KCNJ3: variants seen among roughly 807,000 people sequenced by gnomAD.
KCNJ3 encodes G protein-activated inward rectifier potassium channel 1.
Under a neutral mutation model 39.2 loss-of-function variants are expected in KCNJ3, and 4 were observed. The observed-to-expected ratio is 0.10, with a 90% CI of 0.05 to 0.23. The LOEUF (loss-of-function observed/expected upper bound fraction) is 0.23. Ranked by LOEUF, KCNJ3 falls within the 10% of genes least tolerant of loss-of-function variation. KCNJ3 has a pLI of 1.00. For missense variants in KCNJ3, 276 were observed against 634.9 expected (o/e 0.43, Z 6.08); for synonymous variants, 230 against 237.4 (o/e 0.97, Z 0.29).
At chr2:154,789,322 A>G (rs1284492155) in intron 2 of KCNJ3, among the ~76,000 whole-genome samples, 1 of 152,034 alleles carries the variant, frequency 6.6e-6, no homozygotes, top group Non-Finnish European at 1.5e-5. Flanking sequence ...TGGGGCTTTT[A>G]TATGAGGAAA....
intron 2 of KCNJ3, among the ~76,000 whole-genome samples, chr2:154,828,666 A>C (rs954589021): frequency 4.6e-5 from 7 of 152,180 alleles, no homozygotes; most frequent in Non-Finnish European, 1.0e-4. Context: ...GCATCTCCTC[A>C]GTTCCCAAAC....
chr2:154,758,116 A>T (rs180831726), intron 2 of KCNJ3, among the ~76,000 whole-genome samples: 2 of 152,312 alleles, frequency 1.3e-5, no homozygotes, highest in East Asian at 3.9e-4. Flanking sequence ...TTAACAATAG[A>T]GAACGTCTTG....
chr2:154,823,932 A>G lies in KCNJ3; in HGVS notation c.920-30795A>G, dbSNP rs1262932147. On this transcript the variant is annotated intron_variant, in intron 2 of 2. Transcript: ENST00000295101. Reference sequence around the variant, plus strand: ...ATATAATTGTTGAATAAATAAATTAATGAATGAAGAGCTACAACTTCCTTG... The same window carrying G: ...ATATAATTGTTGAATAAATAAATTAGTGAATGAAGAGCTACAACTTCCTTG... Among the ~76,000 whole-genome samples, 4 of 152,324 alleles carry G rather than the reference A, an allele frequency of 2.6e-5. No homozygotes were observed. The East Asian group carries it at 7.7e-4, about 29-fold the overall frequency.
At chr2:154,777,295 A>T (rs536836876) in intron 2 of KCNJ3, among the ~76,000 whole-genome samples, 49 of 152,260 alleles carry the variant, frequency 3.2e-4, no homozygotes, top group African/African-American at 1.2e-3. Context: ...ATATATGTGT[A>T]TGTGGTGGTT....
At chr2:154,729,407 T>C (rs2105166064) in intron 2 of KCNJ3, among the ~76,000 whole-genome samples, 2 of 152,304 alleles carry the variant, frequency 1.3e-5, no homozygotes, top group South Asian at 2.1e-4. Context: ...TTTAACTGAT[T>C]GAGCCACAGT....
intron 2 of KCNJ3, among the ~76,000 whole-genome samples, chr2:154,798,988 G>A (rs1458097457): frequency 6.6e-6 from 1 of 151,778 alleles, no homozygotes; most frequent in Non-Finnish European, 1.5e-5. Context: ...TGTGTGGTGT[G>A]TCAGGTGTGT....
intron 2 of KCNJ3, among the ~76,000 whole-genome samples, chr2:154,753,721 G>A (rs919958533): frequency 6.7e-6 from 1 of 148,532 alleles, no homozygotes; most frequent in Admixed American, 6.8e-5. Flanking sequence ...GCTGACTGTG[G>A]CATTTATAAG....
At chr2:154,765,991 G>A (rs1011600267) in intron 2 of KCNJ3, among the ~76,000 whole-genome samples, 1 of 152,210 alleles carries the variant, frequency 6.6e-6, no homozygotes, top group South Asian at 2.1e-4. Context: ...TTGCACACAC[G>A]CCATTAGTAA....
chr2:154,814,494 T>C (rs1687051474), intron 2 of KCNJ3, among the ~76,000 whole-genome samples: 1 of 151,782 alleles, frequency 6.6e-6, no homozygotes, highest in Admixed American at 6.6e-5. Context: ...AAAATTACCC[T>C]GGTGTGGTGG....
At chr2:154,832,746 G>A (rs142091220) in intron 2 of KCNJ3, among the ~76,000 whole-genome samples, 107 of 152,298 alleles carry the variant, frequency 7.0e-4, no homozygotes, top group African/African-American at 2.5e-3. Context: ...TGTGAAGAAT[G>A]ATTAAATAAT....
At chr2:154,721,655 T>C (rs1685265405) in intron 2 of KCNJ3, among the ~76,000 whole-genome samples, 2 of 151,818 alleles carry the variant, frequency 1.3e-5, no homozygotes, top group South Asian at 4.2e-4. Flanking sequence ...AGGATAAGAG[T>C]TGGAAAAAAA....
intron 2 of KCNJ3, among the ~76,000 whole-genome samples, chr2:154,843,855 A>T (rs1463484373): frequency 6.6e-6 from 1 of 151,940 alleles, no homozygotes; most frequent in African/African-American, 2.4e-5. Flanking sequence ...TTCTTTTTTC[A>T]AGGTTTTTAC....
In KCNJ3 at chr2:154,699,693, G is replaced by A; in HGVS notation, c.702+216G>A. 4.0e-6 allele frequency: 1 copy of A among 249,658 alleles called. No homozygotes were observed. Among genetic ancestry groups the A allele is most frequent in the Non-Finnish European group, 6.4e-6 (1 of 157,342 alleles). 15.5% of individuals were successfully genotyped at this position (249,658 alleles called of 1,614,324 possible). A position where few individuals can be genotyped will look rare whatever the true frequency, so the allele number is the denominator to read the frequency against. On this transcript the variant is annotated intron_variant, in intron 1 of 2. Transcript: ENST00000295101. This position sits in a 1 kb window ranked among gnomAD's most constrained non-coding sequence, Gnocchi z 6.4. Reference sequence around the variant, plus strand: ...CACTCTCGTGCTCTTGTTTATATTCGTCATTTCGGATCTGCTTGTATCACT... The same window carrying A: ...CACTCTCGTGCTCTTGTTTATATTCATCATTTCGGATCTGCTTGTATCACT...
At chr2:154,812,698 G>A (rs192374005) in intron 2 of KCNJ3, among the ~76,000 whole-genome samples, 1 of 151,978 alleles carries the variant, frequency 6.6e-6, no homozygotes, top group African/African-American at 2.4e-5. Context: ...ATTCATACAG[G>A]TGCAGTATAA....
At chr2:154,712,423 A>C (rs1685114162) in intron 2 of KCNJ3, among the ~76,000 whole-genome samples, 1 of 152,196 alleles carries the variant, frequency 6.6e-6, no homozygotes, top group South Asian at 2.1e-4. Context: ...CTATCTTGTG[A>C]ATAAACTTTT....
In KCNJ3 at chr2:154,814,022, T is replaced by G. The variant is rs181528850; in HGVS notation, c.920-40705T>G. On this transcript the variant is annotated intron_variant, in intron 2 of 2. Transcript: ENST00000295101. ...GGTCCACATATTTGCCACTGACTGGTCAATTGCTACACTTCTCCAACAATG... is the reference window on the plus strand; with the variant it reads ...GGTCCACATATTTGCCACTGACTGGGCAATTGCTACACTTCTCCAACAATG... Among the ~76,000 whole-genome samples the G allele has an allele frequency of 3.5e-3, 534 of 152,344 alleles. 2 individuals carry two copies. Among genetic ancestry groups the G allele is most frequent in the Middle Eastern group, 6.8e-3 (2 of 294 alleles).
At chr2:154,785,391 A>C (rs756341798) in intron 2 of KCNJ3, among the ~76,000 whole-genome samples, 3 of 152,114 alleles carry the variant, frequency 2.0e-5, no homozygotes, top group African/African-American at 7.2e-5. Flanking sequence ...CTCTGTGCAC[A>C]TGTGCTATGG....
intron 2 of KCNJ3, among the ~76,000 whole-genome samples, chr2:154,758,396 G>A (rs532700216): frequency 6.6e-6 from 1 of 152,220 alleles, no homozygotes; most frequent in South Asian, 2.1e-4. Context: ...AAATATGTGG[G>A]TGCTGAAGTT....
chr2:154,699,155 T>G lies in KCNJ3; in HGVS notation c.380T>G (p.Val127Gly), dbSNP rs577033534. ...VGNYTPCVAN[V>G]YNFPSAFLFF... ...AACTACACGCCTTGCGTGGCCAATG[T>G]CTATAACTTCCCTTCTGCCTTCCTC... Residue 127 changes from valine (V) to glycine (G), a missense_variant, in exon 1 of 3, where the codon GTC (valine) becomes GGC (glycine). By Grantham distance (109) the Val-to-Gly change is moderately radical. This residue lies in a region of KCNJ3 where 46 missense variants were observed against 206.6 expected (regional missense o/e 0.22). Coordinates refer to ENST00000295101, the MANE Select transcript of KCNJ3 (RefSeq NM_002239.4). The surrounding 1 kb of genome is among the most constrained non-coding windows in gnomAD (Gnocchi z 6.4). 1 of 1,614,170 alleles carries G rather than the reference T, an allele frequency of 6.2e-7. No homozygotes were observed. Among genetic ancestry groups the G allele is most frequent in the East Asian group, 2.2e-5 (1 of 44,852 alleles).
Sources: allele counts gnomAD v4.1 joint callset (sites outside exome capture counted in the v4.1 genomes callset), GRCh38; gene constraint gnomAD v4.1.1; regional missense constraint gnomAD v4.1.1; non-coding constraint Gnocchi (gnomAD v3.1); transcripts MANE v1.5; gene names NCBI Gene and HGNC (gene_info 2026-07-23, HGNC 2026-07-21).